The following DGAT2L6 variants were observed in gnomAD, a reference collection of about 807,000 sequenced individuals.
The protein encoded by DGAT2L6 is diacylglycerol O-acyltransferase 2-like protein 6.
A neutral mutation model predicts 25.5 loss-of-function variants in DGAT2L6; 22 were observed. That is an observed-to-expected ratio of 0.86 (90% CI 0.62 to 1.23). The LOEUF (loss-of-function observed/expected upper bound fraction) is 1.23, where lower values mean the gene tolerates loss of function less well. Ranked by LOEUF, DGAT2L6 falls within the 50% of genes most tolerant of loss-of-function variation. The probability of loss-of-function intolerance (pLI) is 0.00; values close to 1 mark genes in which losing one functional copy is unlikely to be tolerated. For missense variants in DGAT2L6, 287 were observed against 253.2 expected (o/e 1.13, Z -0.91); for synonymous variants, 100 against 94.7 (o/e 1.06, Z -0.32).
At chrX:70,182,899 G>T (rs1197306517) in intron 1 of DGAT2L6, among the ~76,000 whole-genome samples, 1 of 111,545 alleles carries the variant, frequency 9.0e-6, no homozygotes, top group Non-Finnish European at 1.9e-5. Flanking sequence ...CTTGTGATCC[G>T]CCTGCCTCGG....
At chrX:70,180,701 T>C (rs1488950375) in intron 1 of DGAT2L6, among the ~76,000 whole-genome samples, 1 of 111,261 alleles carries the variant, frequency 9.0e-6, no homozygotes, top group Non-Finnish European at 1.9e-5. Context: ...AACTCCCTAA[T>C]TCCCCCTCCC....
At chrX:70,178,942 A>T (rs1210886526) in intron 1 of DGAT2L6, among the ~76,000 whole-genome samples, 2 of 112,475 alleles carry the variant, frequency 1.8e-5, no homozygotes, top group Non-Finnish European at 3.8e-5. Flanking sequence ...TCAAAATTCC[A>T]GTAGTTATTG....
At position 70,201,900 on chromosome X, in the gene DGAT2L6, T is replaced by C. The variant is rs375346876; in HGVS notation, c.483T>C (p.Pro161=). The change falls in exon 5 of 7, where the codon CCT becomes CCC. Residue 161 remains proline (P), a synonymous_variant. Coordinates refer to ENST00000333026, the MANE Select transcript of DGAT2L6 (RefSeq NM_198512.3). ...REYVMSMGVC[P]VSSSALKYLL... is the part of the protein sequence containing the mutation. ...TCTTTGGTTTCACAGGTGTGTGCCC[T>C]GTGAGTAGCTCAGCCTTGAAGTACT... The C allele has an allele frequency of 8.4e-7, 1 of 1,188,903 alleles. No individual in the cohort carries two copies. The highest frequency in any genetic ancestry group is 1.8e-5 in the African/African-American group (1 of 56,167).
chrX:70,199,334 T>A lies in DGAT2L6; in HGVS notation c.149T>A (p.Val50Glu), dbSNP rs753034195. The change falls in exon 2 of 7, where the codon GTG becomes GAG. Residue 50 changes from valine to glutamate, a missense_variant. Transcript: ENST00000333026. ...LLFSKFWPLAVLSLAWLTYDW... is the reference protein window; with the variant it reads ...LLFSKFWPLAELSLAWLTYDW... ...TTCAGTAAGTTCTGGCCCTTGGCTG[T>A]GCTCTCCTTAGCCTGGCTCACCTAT... 9.2e-6 allele frequency: 11 copies of A among 1,194,105 alleles called. No homozygotes were observed. In the Admixed American group the frequency reaches 2.3e-4, roughly 25 times the overall value.
intron 5 of DGAT2L6, 120 bp downstream of exon 5, chrX:70,202,184 T>C: frequency 1.6e-6 from 1 of 638,209 alleles, no homozygotes; most frequent in Non-Finnish European, 2.2e-6. Flanking sequence ...TCTAATTCCT[T>C]CTGTCTACCC....
intron 1 of DGAT2L6, among the ~76,000 whole-genome samples, chrX:70,199,042 A>G (rs1302254528): frequency 2.7e-5 from 3 of 111,429 alleles, no homozygotes; most frequent in Admixed American, 9.5e-5. Flanking sequence ...TCTTTCTTCA[A>G]TTGAGAGTTT....
intron 1 of DGAT2L6, among the ~76,000 whole-genome samples, chrX:70,185,138 C>T (rs2085355819): frequency 9.0e-6 from 1 of 111,310 alleles, no homozygotes; most frequent in Non-Finnish European, 1.9e-5. Flanking sequence ...ATCTCCTGTA[C>T]CACGGCTTCC....
At position 70,199,174 on chromosome X, in the gene DGAT2L6, G is replaced by A. The variant is rs2085401074; in HGVS notation, c.86-97G>A. ...GAGAGAAGAGTCCCACATCAGCCTA[G>A]CCCTGCTCCTGTAGTGTAGAGCAGA... On this transcript the variant is annotated intron_variant, in intron 1 of 6. Transcript: ENST00000333026. 12 of 514,446 alleles carry A rather than the reference G, an allele frequency of 2.3e-5. No homozygotes were observed. In the South Asian group the frequency reaches 3.0e-4, roughly 13 times the overall value. The allele number at this position is 514,446 out of a possible 1,213,427, so 42.4% of individuals were successfully genotyped here. A position where few individuals can be genotyped will look rare whatever the true frequency, so the allele number is the denominator to read the frequency against.
Position 70,199,924 on chromosome X carries a change from AG to A in DGAT2L6, c.267+43del, listed in dbSNP as rs756263037. ...GGGGTGCCCTCAGTCCCTGTTGCCC[AG>A]ACCCTTGCTCCCTACTCAGCTCCAT... On this transcript the variant is annotated intron_variant, in intron 3 of 6. Coordinates refer to ENST00000333026, the MANE Select transcript of DGAT2L6 (RefSeq NM_198512.3). 47 of 1,139,345 alleles carry A rather than the reference AG, an allele frequency of 4.1e-5. 1 individual carries two copies. The Middle Eastern group carries it at 1.2e-3, about 29-fold the overall frequency. The allele number at this position is 1,139,345 out of a possible 1,213,427, so 93.9% of individuals were successfully genotyped here. A position where few individuals can be genotyped will look rare whatever the true frequency, so the allele number is the denominator to read the frequency against.
chrX:70,196,427 A>G, intron 1 of DGAT2L6, among the ~76,000 whole-genome samples: 1 of 99,230 alleles, frequency 1.0e-5, no homozygotes, highest in Non-Finnish European at 2.0e-5. Context: ...GGTTGCAGTG[A>G]GTTGAGCCGA....
chrX:70,200,577 C>A (rs778395421), intron 4 of DGAT2L6, 118 bp downstream of exon 4: 5 of 670,842 alleles, frequency 7.5e-6, no homozygotes, highest in Non-Finnish European at 1.1e-5. Flanking sequence ...GTCCAGGACA[C>A]CCTGGGCCCG....
chrX:70,199,441 G>C (rs907899145), intron 2 of DGAT2L6, 60 bp downstream of exon 2: 2 of 871,703 alleles, frequency 2.3e-6, no homozygotes, highest in African/African-American at 4.1e-5. Context: ...GACAGGGAGA[G>C]GGAGGTGGAG....
chrX:70,181,195 C>T (rs1014147149), intron 1 of DGAT2L6, among the ~76,000 whole-genome samples: 3 of 112,397 alleles, frequency 2.7e-5, no homozygotes, highest in Admixed American at 1.9e-4. Flanking sequence ...TTCAATTTCT[C>T]CACATCCTCA....
In DGAT2L6 at chrX:70,199,414, TG is replaced by T. The variant is rs781291414; in HGVS notation, c.196+36del. On this transcript the variant is annotated intron_variant, in intron 2 of 6. Coordinates refer to ENST00000333026, the MANE Select transcript of DGAT2L6 (RefSeq NM_198512.3). ...ACAGGGGCACAATGGTGGTCCTGTT[TG>T]GGCCAAGAATGGAAGGACAGGGAGA... The T allele has an allele frequency of 1.3e-5, 14 of 1,064,609 alleles. No homozygotes were observed. In the East Asian group the frequency reaches 4.5e-4, roughly 34 times the overall value. 87.7% of individuals were successfully genotyped at this position (1,064,609 alleles called of 1,213,427 possible). A position where few individuals can be genotyped will look rare whatever the true frequency, so the allele number is the denominator to read the frequency against.
intron 1 of DGAT2L6, among the ~76,000 whole-genome samples, chrX:70,198,429 C>G (rs1416397598): frequency 1.8e-5 from 2 of 111,545 alleles, no homozygotes; most frequent in African/African-American, 6.5e-5. Context: ...GTCTCAAACT[C>G]CTAGGTTCAA....
chrX:70,196,968 GTTTTTTTTTCTTC>G (rs1237552173), intron 1 of DGAT2L6, among the ~76,000 whole-genome samples: 10 of 110,450 alleles, frequency 9.1e-5, no homozygotes, highest in Non-Finnish European at 1.9e-4. Context: ...GCATATATTA[GTTTTTTTTTCTTC>G]TTTTTTTTTC....
intron 1 of DGAT2L6, among the ~76,000 whole-genome samples, chrX:70,193,800 T>C (rs1396783092): frequency 8.9e-6 from 1 of 112,034 alleles, no homozygotes; most frequent in Non-Finnish European, 1.9e-5. Flanking sequence ...TCATACACAA[T>C]GGTGAAAAGC....
In DGAT2L6 at chrX:70,200,281, C is replaced by T. The variant is rs757070532; in HGVS notation, c.294C>T (p.Pro98=). 2 of 1,211,429 alleles carry T rather than the reference C, an allele frequency of 1.7e-6. No individual in the cohort carries two copies. Among genetic ancestry groups the T allele is most frequent in the East Asian group, 3.0e-5 (1 of 33,826 alleles). The change falls in exon 4 of 7, where the codon CCC becomes CCT. Residue 98 remains proline (P), a synonymous_variant. Transcript: ENST00000333026. Reference sequence around the variant, plus strand: ...TGGTGAAGACTCATGATCTTTCTCCCAAACACAACTACATCATTGCCAATC... The same window carrying T: ...TGGTGAAGACTCATGATCTTTCTCCTAAACACAACTACATCATTGCCAATC... The part of the protein sequence containing the change: ...VKLVKTHDLS[P]KHNYIIANHP...
intron 1 of DGAT2L6, among the ~76,000 whole-genome samples, chrX:70,197,341 G>T (rs1474087067): frequency 2.7e-5 from 3 of 111,530 alleles, no homozygotes; most frequent in African/African-American, 9.8e-5. Flanking sequence ...TGACACTCGG[G>T]CTGGGTCTGG....
Sources: gnomAD v4.1 joint callset for allele counts (sites outside exome capture counted in the v4.1 genomes callset) on GRCh38, gnomAD v4.1.1 for gene constraint, MANE v1.5 for transcripts, NCBI Gene and HGNC (gene_info 2026-07-23, HGNC 2026-07-21) for gene names.